Variants in EXOC4 observed in about 807,000 individuals in gnomAD.
EXOC4 encodes the protein SEC8-like 1.
A neutral mutation model predicts 107.2 loss-of-function variants in EXOC4; 71 were observed. That is an observed-to-expected ratio of 0.66 (90% CI 0.55 to 0.81). The LOEUF (loss-of-function observed/expected upper bound fraction) is 0.81. Ranked by LOEUF, EXOC4 falls within the 30% of genes least tolerant of loss-of-function variation. EXOC4 has a pLI of 0.00. For missense variants in EXOC4, 1,108 were observed against 1,189.6 expected (o/e 0.93, Z 1.01); for synonymous variants, 456 against 441.2 (o/e 1.03, Z -0.42).
At chr7:133,378,256 G>T (rs1796532769) in intron 7 of EXOC4, among the ~76,000 whole-genome samples, 1 of 149,992 alleles carries the variant, frequency 6.7e-6, no homozygotes, top group Non-Finnish European at 1.5e-5. Context: ...GTTGTAGTGA[G>T]CTGCGATCGC....
intron 5 of EXOC4, among the ~76,000 whole-genome samples, chr7:133,327,280 A>G (rs935545473): frequency 1.3e-5 from 2 of 152,202 alleles, no homozygotes; most frequent in African/African-American, 4.8e-5. Flanking sequence ...AAATGCAGAA[A>G]TCACCCGTCT....
rs931146112 is a variant in EXOC4, at chr7:133,566,012, G to A, written c.1418-64033G>A. Among the ~76,000 whole-genome samples, 50 of 152,098 alleles carry A rather than the reference G, an allele frequency of 3.3e-4. 2 individuals carry two copies. Among genetic ancestry groups the A allele is most frequent in the African/African-American group, 1.2e-3 (50 of 41,430 alleles). The stretch of plus-strand genomic sequence containing the variant: ...AGTGTCTAAATAGTTGCACTTTATT[G>A]GGGGTTATTATATATTTGTGGTTAA... On this transcript the variant is annotated intron_variant, in intron 9 of 17. Transcript: ENST00000253861.
chr7:133,749,573 T>G (rs190295285), intron 10 of EXOC4, among the ~76,000 whole-genome samples: 138 of 152,224 alleles, frequency 9.1e-4, no homozygotes, highest in African/African-American at 3.2e-3. Context: ...TTTGTATTTT[T>G]AATAGAGATG....
At chr7:133,254,638 C>T (rs1794972264) in intron 1 of EXOC4, among the ~76,000 whole-genome samples, 1 of 152,170 alleles carries the variant, frequency 6.6e-6, no homozygotes, top group African/African-American at 2.4e-5. Context: ...TATTTGTTGA[C>T]TTAATGAGTA....
chr7:133,902,213 T>C (rs1799467420), intron 12 of EXOC4, among the ~76,000 whole-genome samples: 1 of 152,254 alleles, frequency 6.6e-6, no homozygotes, highest in African/African-American at 2.4e-5. Context: ...CATTTTCTCC[T>C]GTGTGTCAGG....
chr7:133,668,224 A>G lies in EXOC4; in HGVS notation c.1514+38083A>G, dbSNP rs1793860884. ...AAATGTATGAATGGAAAATAATTTT[A>G]TAGAAGGTCTTATTTTTCTCATAAA... On this transcript the variant is annotated intron_variant, in intron 10 of 17. Transcript: ENST00000253861. 2.6e-5 allele frequency among the ~76,000 whole-genome samples: 4 copies of G among 152,258 alleles called. 1 individual carries two copies. Among genetic ancestry groups the G allele is most frequent in the Admixed American group, 2.6e-4 (4 of 15,292 alleles).
intron 17 of EXOC4, among the ~76,000 whole-genome samples, chr7:134,038,749 A>C (rs1195790558): frequency 6.6e-6 from 1 of 152,062 alleles, no homozygotes; most frequent in African/African-American, 2.4e-5. Context: ...CAGCCACACC[A>C]CAGGCTGCTC....
intron 5 of EXOC4, among the ~76,000 whole-genome samples, chr7:133,321,647 C>A (rs1795115064): frequency 6.6e-6 from 1 of 152,086 alleles, no homozygotes; most frequent in Admixed American, 6.6e-5. Flanking sequence ...TGGGTTGGTT[C>A]CAAGTCTTTG....
chr7:133,647,468 C>T lies in EXOC4; in HGVS notation c.1514+17327C>T, dbSNP rs77208125. ...GTGTGGTAGGAAATAGTATCACCCCCGTTTTATAGCTAAGGAACCTGAGGC... is the reference window on the plus strand; with the variant it reads ...GTGTGGTAGGAAATAGTATCACCCCTGTTTTATAGCTAAGGAACCTGAGGC... On this transcript the variant is annotated intron_variant, in intron 10 of 17. Coordinates refer to ENST00000253861, the MANE Select transcript of EXOC4 (RefSeq NM_021807.4). Among the ~76,000 whole-genome samples the T allele has an allele frequency of 1.2e-3, 189 of 152,174 alleles. 1 individual carries two copies. The highest frequency in any genetic ancestry group is 4.3e-3 in the African/African-American group (180 of 41,508).
At chr7:133,293,329 C>A (rs1453983239) in intron 3 of EXOC4, among the ~76,000 whole-genome samples, 1 of 152,158 alleles carries the variant, frequency 6.6e-6, no homozygotes, top group Non-Finnish European at 1.5e-5. Context: ...AAAACAATCA[C>A]ATTTTCTTTC....
chr7:133,661,672 TAAAAAAAAAAAAAAAACA>T (rs936470050), intron 10 of EXOC4, among the ~76,000 whole-genome samples: 18 of 13,462 alleles, frequency 1.3e-3, no homozygotes, highest in African/African-American at 4.1e-3. Flanking sequence ...TCCTTAAAAC[TAAAAAAAAAAAAAAAACA>T]AAAAAAAAAA....
intron 10 of EXOC4, among the ~76,000 whole-genome samples, chr7:133,632,072 A>C (rs965953943): frequency 6.6e-6 from 1 of 152,134 alleles, no homozygotes; most frequent in Non-Finnish European, 1.5e-5. Flanking sequence ...ATATACACAC[A>C]CATATATGTA....
intron 6 of EXOC4, among the ~76,000 whole-genome samples, chr7:133,362,064 C>T (rs1381311482): frequency 6.6e-6 from 1 of 151,910 alleles, no homozygotes; most frequent in Admixed American, 6.6e-5. Context: ...AATTTTCTGC[C>T]AGTTTCTTTC....
At chr7:133,590,268 T>A (rs1302622714) in intron 9 of EXOC4, among the ~76,000 whole-genome samples, 2 of 152,074 alleles carry the variant, frequency 1.3e-5, no homozygotes, top group Admixed American at 6.6e-5. Context: ...TTCACTATAT[T>A]TTTTTTCTAT....
At chr7:133,258,550 G>T (rs1584754975) in intron 1 of EXOC4, among the ~76,000 whole-genome samples, 1 of 152,248 alleles carries the variant, frequency 6.6e-6, no homozygotes, top group South Asian at 2.1e-4. Context: ...TGAGATGAGG[G>T]TATATAAAAG....
chr7:133,367,126 T>A lies in EXOC4; in HGVS notation c.1008-7702T>A, dbSNP rs374215170. 6.6e-5 allele frequency among the ~76,000 whole-genome samples: 10 copies of A among 152,268 alleles called. No individual in the cohort carries two copies. In the East Asian group the frequency reaches 1.9e-3, roughly 29 times the overall value. On this transcript the variant is annotated intron_variant, in intron 6 of 17. Transcript: ENST00000253861. ...AATATGATGAGTTCCATTTAAGTCA[T>A]ATTAAGTTAGCGGTCTACAGCTCAG...
the EXOC4 span, among the ~76,000 whole-genome samples, chr7:134,073,767 G>C: frequency 6.6e-6 from 1 of 152,108 alleles, no homozygotes; most frequent in African/African-American, 2.4e-5. Flanking sequence ...TCACAGGCAG[G>C]GGATGGGGGT....
chr7:133,796,243 A>G (rs1161610695), intron 10 of EXOC4, among the ~76,000 whole-genome samples: 2 of 152,118 alleles, frequency 1.3e-5, no homozygotes, highest in Admixed American at 6.5e-5. Flanking sequence ...CTGTTTTTCT[A>G]TCCCAAGGTG....
chr7:133,465,857 C>T (rs1279433237), intron 7 of EXOC4, among the ~76,000 whole-genome samples: 15 of 152,120 alleles, frequency 9.9e-5, no homozygotes, highest in South Asian at 2.1e-4. Flanking sequence ...AAAACTCGGC[C>T]GGGGGCAGTG....
Sources: gnomAD v4.1 joint callset for allele counts (sites outside exome capture counted in the v4.1 genomes callset) on GRCh38, gnomAD v4.1.1 for gene constraint, MANE v1.5 for transcripts, NCBI Gene and HGNC (gene_info 2026-07-23, HGNC 2026-07-21) for gene names.